Variants in ST14 observed in about 807,000 individuals in gnomAD.
ST14 encodes the protein suppressor of tumorigenicity 14 protein.
Under a neutral mutation model 96.5 loss-of-function variants are expected in ST14, and 40 were observed. The ratio of observed to expected loss-of-function variants is 0.41; its 90% CI spans 0.32 to 0.54. The LOEUF is 0.54. Ranked by LOEUF, ST14 falls within the 20% of genes least tolerant of loss-of-function variation. ST14 has a pLI of 0.17. For missense variants in ST14, 1,066 were observed against 1,188.9 expected (o/e 0.90, Z 1.52); for synonymous variants, 506 against 492.1 (o/e 1.03, Z -0.37).
intron 4 of ST14, among the ~76,000 whole-genome samples, chr11:130,189,152 G>T (rs993751030): frequency 6.6e-6 from 1 of 152,218 alleles, no homozygotes; most frequent in Non-Finnish European, 1.5e-5. Flanking sequence ...GCTGTGATGA[G>T]CTGCCCAAAG....
chr11:130,190,374 A>AGG, intron 6 of ST14, 80 bp from the exon 7 acceptor site: 1 of 1,590,246 alleles, frequency 6.3e-7, no homozygotes. Flanking sequence ...TGAGGTCCAC[A>AGG]CCCACGGGGT....
intron 1 of ST14, among the ~76,000 whole-genome samples, chr11:130,176,875 T>C (rs1210219142): frequency 1.4e-5 from 2 of 141,156 alleles, no homozygotes; most frequent in African/African-American, 5.3e-5. Context: ...CTCGGTTCAC[T>C]GCAACCTCTG....
chr11:130,170,350 T>C (rs1319201267), intron 1 of ST14, among the ~76,000 whole-genome samples: 1 of 152,078 alleles, frequency 6.6e-6, no homozygotes, highest in East Asian at 1.9e-4. Context: ...AGAGAAGACC[T>C]TCCATCAACC....
At chr11:130,189,556 A>G (rs1161905987) in intron 4 of ST14, 183 bp from the exon 5 acceptor site, 5 of 738,942 alleles carry the variant, frequency 6.8e-6, no homozygotes, top group African/African-American at 1.8e-5. Flanking sequence ...AGCAGAGGGC[A>G]AAGGGCAAGG....
intron 16 of ST14, among the ~76,000 whole-genome samples, chr11:130,200,493 C>T (rs549530211): frequency 1.3e-5 from 2 of 152,146 alleles, no homozygotes; most frequent in East Asian, 1.9e-4. Context: ...CAGCCAGCCT[C>T]GTGTGAACTC....
chr11:130,194,164 C>T lies in ST14; in HGVS notation c.891C>T (p.Tyr297=). The T allele has an allele frequency of 6.2e-7, 1 of 1,614,206 alleles. No homozygotes were observed. Among genetic ancestry groups the T allele is most frequent in the Non-Finnish European group, 8.5e-7 (1 of 1,180,034 alleles). Residue 297 remains tyrosine (Y), a synonymous_variant, in exon 8 of 19, where the codon TAC becomes TAT. Transcript: ENST00000278742. Reference sequence around the variant, plus strand: ...GCCCCCACAGGTTGTGTGGCACCTACCCTCCCTCCTACAACCTGACCTTCC... The same window carrying T: ...GCCCCCACAGGTTGTGTGGCACCTATCCTCCCTCCTACAACCTGACCTTCC... ...PHALVQLCGT[Y]PPSYNLTFHS... is the part of the protein sequence containing the mutation.
chr11:130,200,378 G>T (rs1353215389), intron 16 of ST14, among the ~76,000 whole-genome samples: 1 of 152,208 alleles, frequency 6.6e-6, no homozygotes, highest in Non-Finnish European at 1.5e-5. Context: ...TCTGGTGAGG[G>T]CCTCAGGGAG....
At chr11:130,182,960 CTT>C (rs1257544567) in intron 1 of ST14, among the ~76,000 whole-genome samples, 5 of 134,164 alleles carry the variant, frequency 3.7e-5, no homozygotes, top group Non-Finnish European at 4.8e-5. Context: ...ACTTTTGTTA[CTT>C]TTTTTTTTTT....
chr11:130,194,429 A>G, intron 8 of ST14, 141 bp downstream of exon 8: 1 of 1,369,366 alleles, frequency 7.3e-7, no homozygotes, highest in Non-Finnish European at 1.0e-6. Flanking sequence ...CAGAGGCTGA[A>G]GCTTGAGCCA....
intron 16 of ST14, among the ~76,000 whole-genome samples, chr11:130,201,867 C>G (rs529603711): frequency 9.1e-4 from 139 of 152,380 alleles, no homozygotes; most frequent in Non-Finnish European, 1.6e-3. Flanking sequence ...TGTGAGCCAC[C>G]ATGCCTGGCC....
In ST14 at chr11:130,198,293, C is replaced by A; in HGVS notation, c.1460-15C>A. 1 of 1,613,210 alleles carries A rather than the reference C, an allele frequency of 6.2e-7. No homozygotes were observed. Among genetic ancestry groups the A allele is most frequent in the South Asian group, 1.1e-5 (1 of 91,078 alleles). On this transcript the variant is annotated splice_polypyrimidine_tract_variant and intron_variant, in intron 12 of 18. Coordinates refer to ENST00000278742, the MANE Select transcript of ST14 (RefSeq NM_021978.4). ...ATGAGGGCCTCACGGCCGACCTCCCCTTACCCCACTCCAGGTTGCGACGCC... is the reference window on the plus strand; with the variant it reads ...ATGAGGGCCTCACGGCCGACCTCCCATTACCCCACTCCAGGTTGCGACGCC...
chr11:130,168,046 A>G (rs1227115575), intron 1 of ST14, among the ~76,000 whole-genome samples: 1 of 152,220 alleles, frequency 6.6e-6, no homozygotes, highest in Non-Finnish European at 1.5e-5. Context: ...TATCTTAGAT[A>G]GCTTTTCCAT....
chr11:130,203,411 C>T (rs1011942331), intron 16 of ST14, among the ~76,000 whole-genome samples: 2 of 152,228 alleles, frequency 1.3e-5, no homozygotes, highest in Non-Finnish European at 2.9e-5. Flanking sequence ...TCCCCATCTA[C>T]TTCCTTCCCT....
At chr11:130,194,062 G>A (rs1219454160) in intron 7 of ST14, 87 bp from the exon 8 acceptor site, 142 of 1,590,248 alleles carry the variant, frequency 8.9e-5, no homozygotes, top group Non-Finnish European at 1.2e-4. Context: ...GGGGTCCTCA[G>A]GCACCTCTGC....
intron 16 of ST14, among the ~76,000 whole-genome samples, chr11:130,202,931 A>G (rs1455816544): frequency 6.6e-6 from 1 of 152,110 alleles, no homozygotes; most frequent in Non-Finnish European, 1.5e-5. Flanking sequence ...GCGATTCCCA[A>G]CTGCACTCCA....
At chr11:130,171,007 G>A (rs1207952675) in intron 1 of ST14, among the ~76,000 whole-genome samples, 1 of 152,198 alleles carries the variant, frequency 6.6e-6, no homozygotes, top group Non-Finnish European at 1.5e-5. Context: ...ATATTCACAT[G>A]AGTAGCAGTG....
chr11:130,190,510 C>T lies in ST14; in HGVS notation c.691C>T (p.Pro231Ser), dbSNP rs1329043807. The T allele has an allele frequency of 6.2e-7, 1 of 1,609,568 alleles. No homozygotes were observed. Among genetic ancestry groups the T allele is most frequent in the East Asian group, 2.2e-5 (1 of 44,890 alleles). Residue 231 changes from proline to serine, a missense_variant, in exon 7 of 19, where the codon CCC becomes TCC. Physicochemically the swap from Pro to Ser is moderately conservative, Grantham distance 74 (BLOSUM62 -1). Coordinates refer to ENST00000278742, the MANE Select transcript of ST14 (RefSeq NM_021978.4). ...TGTGGAGCTGATGCGCTTCACCACG[C>T]CCGGCTTCCCTGACAGCCCCTACCC... ...RGVELMRFTT[P>S]GFPDSPYPAH...
At chr11:130,190,927 T>C (rs1277268267) in intron 7 of ST14, among the ~76,000 whole-genome samples, 2 of 152,234 alleles carry the variant, frequency 1.3e-5, no homozygotes, top group African/African-American at 4.8e-5. Flanking sequence ...AGTCCCCAGA[T>C]ACCAAATCCA....
At chr11:130,208,098 A>G (rs1428289536) in intron 16 of ST14, among the ~76,000 whole-genome samples, 1 of 152,042 alleles carries the variant, frequency 6.6e-6, no homozygotes, top group Non-Finnish European at 1.5e-5. Context: ...TAAATAAATT[A>G]TTTGGATTGA....
Sources: allele counts gnomAD v4.1 joint callset (sites outside exome capture counted in the v4.1 genomes callset), GRCh38; gene constraint gnomAD v4.1.1; transcripts MANE v1.5; gene names NCBI Gene and HGNC (gene_info 2026-07-23, HGNC 2026-07-21).